N4BP2: variants seen among roughly 807,000 people sequenced by gnomAD.
The protein encoded by N4BP2 is NEDD4-binding protein 2.
A neutral mutation model predicts 152.8 loss-of-function variants in N4BP2; 91 were observed. The ratio of observed to expected loss-of-function variants is 0.60; its 90% confidence interval spans 0.50 to 0.71. The LOEUF is 0.71. Ranked by LOEUF, N4BP2 falls within the 30% of genes least tolerant of loss-of-function variation. N4BP2 has a pLI of 0.00. For missense variants in N4BP2, 1,923 were observed against 2,059.1 expected (o/e 0.93, Z 1.28); for synonymous variants, 646 against 705.3 (o/e 0.92, Z 1.33).
intron 12 of N4BP2, among the ~76,000 whole-genome samples, chr4:40,126,597 T>C (rs1304273097): frequency 6.6e-6 from 1 of 152,148 alleles, no homozygotes; most frequent in Non-Finnish European, 1.5e-5. Flanking sequence ...GCTGCATCTT[T>C]CTTTTTCTTT....
chr4:40,143,035 CCTG>C (rs1377083176), intron 15 of N4BP2, among the ~76,000 whole-genome samples, 174 bp downstream of exon 15: 1 of 152,132 alleles, frequency 6.6e-6, no homozygotes, highest in Non-Finnish European at 1.5e-5. Flanking sequence ...AATTTCATCT[CCTG>C]CTGTTTTGAG....
intron 1 of N4BP2, among the ~76,000 whole-genome samples, chr4:40,067,054 C>CTTT (rs34768159): frequency 1.1e-5 from 1 of 91,614 alleles, no homozygotes. Context: ...ACCTAATTTC[C>CTTT]TTTTTTTTTT....
chr4:40,125,543 G>T (rs1434273273), intron 11 of N4BP2, among the ~76,000 whole-genome samples: 2 of 152,136 alleles, frequency 1.3e-5, no homozygotes, highest in Non-Finnish European at 2.9e-5. Context: ...CTATGTTTTG[G>T]GTTGATATGA....
At chr4:40,060,264 A>G (rs1346942999) in intron 1 of N4BP2, among the ~76,000 whole-genome samples, 1 of 151,804 alleles carries the variant, frequency 6.6e-6, no homozygotes, top group African/African-American at 2.4e-5. Flanking sequence ...ATTTTTTTTG[A>G]GATGGAGTCT....
At chr4:40,101,593 A>G (rs917057106) in intron 3 of N4BP2, among the ~76,000 whole-genome samples, 12 of 152,230 alleles carry the variant, frequency 7.9e-5, no homozygotes, top group African/African-American at 2.9e-4. Context: ...GATATGCAGT[A>G]CATGCTCAAA....
intron 1 of N4BP2, 78 bp from the exon 2 acceptor site, chr4:40,073,377 G>T (rs1317955368): frequency 6.6e-6 from 1 of 151,822 alleles, no homozygotes; most frequent in Non-Finnish European, 1.5e-5. Context: ...AAATATTATA[G>T]ACATTTTTGA....
rs141354134 is a variant in N4BP2 at position 40,083,503 on chromosome 4, A to G, written c.-115+9952A>G. Among the ~76,000 whole-genome samples the G allele has an allele frequency of 7.9e-5, 12 of 152,334 alleles. No homozygotes were observed. In the East Asian group the frequency reaches 2.1e-3, roughly 27 times the overall value. The stretch of plus-strand genomic sequence containing the variant: ...GTACCATGCAATATTTTCTAGCAGT[A>G]TCGGTGAAGTACCAATACAGGCTAC... On this transcript the variant is annotated intron_variant, in intron 2 of 17. Coordinates refer to ENST00000261435, the MANE Select transcript of N4BP2 (RefSeq NM_018177.6).
intron 16 of N4BP2, among the ~76,000 whole-genome samples, chr4:40,148,233 G>A (rs1351647327): frequency 3.3e-5 from 5 of 152,374 alleles, no homozygotes; most frequent in East Asian, 1.9e-4. Context: ...CAGATCACTC[G>A]CGGTTAGGAG....
the N4BP2 span, among the ~76,000 whole-genome samples, chr4:40,186,806 C>T: frequency 3.1e-4 from 47 of 152,282 alleles, no homozygotes; most frequent in East Asian, 6.7e-3. Flanking sequence ...ATGGTTGACT[C>T]GTGCCCATAC....
At chr4:40,088,015 C>T (rs1714150593) in intron 2 of N4BP2, among the ~76,000 whole-genome samples, 1 of 152,172 alleles carries the variant, frequency 6.6e-6, no homozygotes, top group African/African-American at 2.4e-5. Flanking sequence ...TCCTTGGCCT[C>T]CCAAAGTGCT....
At position 40,134,562 on chromosome 4, in the gene N4BP2, A is replaced by T. The variant is rs78814335; in HGVS notation, c.4647-2382A>T. On this transcript the variant is annotated intron_variant, in intron 13 of 17. Coordinates refer to ENST00000261435, the MANE Select transcript of N4BP2 (RefSeq NM_018177.6). ...TACTACAGTATGTGCTTGAGGTGTAATCTTCTAGGGCTGTTTGCCTCAAAC... is the reference window on the plus strand; with the variant it reads ...TACTACAGTATGTGCTTGAGGTGTATTCTTCTAGGGCTGTTTGCCTCAAAC... Among the ~76,000 whole-genome samples the T allele has an allele frequency of 8.9e-3, 1,362 of 152,206 alleles. 16 individuals carry two copies. The highest frequency in any genetic ancestry group is 0.031 in the African/African-American group (1,282 of 41,520).
the N4BP2 span, among the ~76,000 whole-genome samples, chr4:40,182,225 A>G: frequency 6.6e-6 from 1 of 152,226 alleles, no homozygotes; most frequent in African/African-American, 2.4e-5. Flanking sequence ...TTTCAGGCTG[A>G]TACAAGAACA....
At chr4:40,118,489 G>C (rs1026418772) in intron 8 of N4BP2, among the ~76,000 whole-genome samples, 1 of 152,104 alleles carries the variant, frequency 6.6e-6, no homozygotes, top group Non-Finnish European at 1.5e-5. Context: ...TTTACTTATA[G>C]TCTTACCTAG....
In N4BP2 at chr4:40,157,429, C is replaced by A. The variant is rs1721693219; in HGVS notation, c.*3192C>A. 3 of 151,912 alleles carry A rather than the reference C, an allele frequency of 2.0e-5. No individual in the cohort carries two copies. The highest frequency in any genetic ancestry group is 7.3e-5 in the African/African-American group (3 of 41,372). 9.4% of individuals were successfully genotyped at this position (151,912 alleles called of 1,614,324 possible). ...GATGGTTTCCATCCTTTATTTAGGT[C>A]TTTTCTTTTTGAATTCAAGTGTTTT... On this transcript the variant is annotated 3_prime_UTR_variant, in exon 18 of 18. Coordinates refer to ENST00000261435, the MANE Select transcript of N4BP2 (RefSeq NM_018177.6).
chr4:40,130,816 GAAGTT>G (rs779826311), intron 12 of N4BP2, among the ~76,000 whole-genome samples: 12 of 152,056 alleles, frequency 7.9e-5, no homozygotes, highest in Non-Finnish European at 1.5e-4. Context: ...AACTGTATAG[GAAGTT>G]ATTTTTCAGA....
chr4:40,172,326 A>G, the N4BP2 span, among the ~76,000 whole-genome samples: 1 of 152,110 alleles, frequency 6.6e-6, no homozygotes, highest in Non-Finnish European at 1.5e-5. Context: ...TGCCTTTCCC[A>G]GTGCACTGAC....
In N4BP2 at chr4:40,120,397, A is replaced by G. The variant is rs750372495; in HGVS notation, c.2286A>G (p.Val762=). ...PGEIVEERAT[V]TKKAFGKQKS... is the part of the protein sequence containing the mutation. ...AAATAGTGGAAGAAAGAGCAACAGT[A>G]ACGAAAAAAGCCTTTGGGAAACAAA... is the stretch of plus-strand genomic sequence containing the variant. Residue 762 remains valine (V), a synonymous_variant, in exon 9 of 18, where the codon GTA becomes GTG. Transcript: ENST00000261435. The G allele has an allele frequency of 6.2e-7, 1 of 1,613,954 alleles. No individual in the cohort carries two copies. The highest frequency in any genetic ancestry group is 8.5e-7 in the Non-Finnish European group (1 of 1,180,006).
intron 14 of N4BP2, among the ~76,000 whole-genome samples, chr4:40,137,324 C>G (rs1719497829): frequency 6.6e-6 from 1 of 152,124 alleles, no homozygotes; most frequent in South Asian, 2.1e-4. Context: ...TCTGTATAGT[C>G]TGACACAGTA....
At position 40,102,904 on chromosome 4, in the gene N4BP2, G is replaced by A; in HGVS notation, c.1059G>A (p.Leu353=). 2 of 1,614,162 alleles carry A rather than the reference G, an allele frequency of 1.2e-6. No individual in the cohort carries two copies. Among genetic ancestry groups the A allele is most frequent in the Non-Finnish European group, 1.7e-6 (2 of 1,180,038 alleles). The change falls in exon 4 of 18, where the codon CTG becomes CTA. Residue 353 remains leucine (L), a synonymous_variant. Coordinates refer to ENST00000261435, the MANE Select transcript of N4BP2 (RefSeq NM_018177.6). ...YCPVLAPLPL[L]LPPPPPPPMW... The stretch of plus-strand genomic sequence containing the variant: ...CGGTACTTGCTCCTCTCCCATTGCT[G>A]TTGCCTCCTCCGCCACCTCCACCGA...
Sources: allele counts gnomAD v4.1 joint callset (sites outside exome capture counted in the v4.1 genomes callset), GRCh38; gene constraint gnomAD v4.1.1; transcripts MANE v1.5; gene names NCBI Gene and HGNC (gene_info 2026-07-23, HGNC 2026-07-21).